The following LSAMP variants were observed in gnomAD, a reference collection of about 807,000 sequenced individuals.
LSAMP encodes the protein limbic system associated membrane protein.
Under a neutral mutation model 38.6 loss-of-function variants are expected in LSAMP, and 7 were observed. The ratio of observed to expected loss-of-function variants is 0.18; its 90% CI spans 0.10 to 0.34. The LOEUF (loss-of-function observed/expected upper bound fraction) is 0.34. Ranked by LOEUF, LSAMP falls within the 10% of genes least tolerant of loss-of-function variation. The probability of loss-of-function intolerance (pLI) is 1.00; values close to 1 mark genes in which losing one functional copy is unlikely to be tolerated. For missense variants in LSAMP, 313 were observed against 420.0 expected, an observed-to-expected ratio of 0.75 and a Z score of 2.23; for synonymous variants, 154 against 166.8, an observed-to-expected ratio of 0.92 and a Z score of 0.59.
chr3:115,842,609 T>C (rs766897397), intron 4 of LSAMP, 31 bp from the exon 5 acceptor site: 3 of 1,611,162 alleles, frequency 1.9e-6, no homozygotes, highest in South Asian at 1.1e-5. Flanking sequence ...CAAGTTTACA[T>C]GAGGGTCGGG....
chr3:116,069,378 G>A (rs1262920154), intron 2 of LSAMP, among the ~76,000 whole-genome samples: 1 of 152,166 alleles, frequency 6.6e-6, no homozygotes, highest in Non-Finnish European at 1.5e-5. Flanking sequence ...TTGGAACAAC[G>A]TTTGGACTCA....
intron 3 of LSAMP, among the ~76,000 whole-genome samples, chr3:115,950,311 A>T (rs1938240089): frequency 6.6e-6 from 1 of 152,140 alleles, no homozygotes; most frequent in Admixed American, 6.5e-5. Context: ...TTCACTGATG[A>T]TATAATCATA....
At chr3:116,233,412 C>CAAA (rs3028677) in intron 1 of LSAMP, among the ~76,000 whole-genome samples, 6,444 of 68,990 alleles carry the variant, frequency 0.093, 1,036 homozygotes, top group African/African-American at 0.23. Flanking sequence ...GACTCTGTCT[C>CAAA]AAAAAAAAAA....
intron 3 of LSAMP, among the ~76,000 whole-genome samples, chr3:115,898,715 T>A (rs1346872718): frequency 6.6e-6 from 1 of 152,046 alleles, no homozygotes; most frequent in African/African-American, 2.4e-5. Flanking sequence ...TCCCTGGCTA[T>A]GACTGAATCA....
intron 1 of LSAMP, among the ~76,000 whole-genome samples, chr3:116,279,963 C>A (rs1223451288): frequency 2.0e-5 from 3 of 152,006 alleles, no homozygotes; most frequent in Admixed American, 2.0e-4. Context: ...AAGAAACAAT[C>A]ATTAAAAAAT....
intron 1 of LSAMP, among the ~76,000 whole-genome samples, chr3:116,242,894 C>G (rs990322836): frequency 3.9e-5 from 6 of 152,074 alleles, no homozygotes; most frequent in African/African-American, 1.4e-4. Flanking sequence ...TATTAAGATT[C>G]TTTATCCTGA....
At chr3:116,203,665 C>G (rs2046023336) in intron 1 of LSAMP, among the ~76,000 whole-genome samples, 1 of 149,866 alleles carries the variant, frequency 6.7e-6, no homozygotes, top group African/African-American at 2.5e-5. Flanking sequence ...TTTTTTTGTT[C>G]TTGCGATAGT....
At chr3:116,327,944 GT>G (rs1292603270) in intron 1 of LSAMP, among the ~76,000 whole-genome samples, 1 of 152,084 alleles carries the variant, frequency 6.6e-6, no homozygotes, top group African/African-American at 2.4e-5. Context: ...GGATGATTGT[GT>G]GATCAAGTTC....
At chr3:116,230,268 C>G (rs959585163) in intron 1 of LSAMP, among the ~76,000 whole-genome samples, 1 of 151,588 alleles carries the variant, frequency 6.6e-6, no homozygotes, top group Non-Finnish European at 1.5e-5. Context: ...CAGAAATTTT[C>G]TGATCTCAGA....
intron 1 of LSAMP, among the ~76,000 whole-genome samples, chr3:116,157,862 A>G (rs949419499): frequency 6.6e-6 from 1 of 152,134 alleles, no homozygotes; most frequent in African/African-American, 2.4e-5. Flanking sequence ...GAATGAGACC[A>G]GAATTATCCT....
At chr3:116,136,943 G>C (rs1476511760) in intron 1 of LSAMP, among the ~76,000 whole-genome samples, 1 of 152,010 alleles carries the variant, frequency 6.6e-6, no homozygotes, top group Non-Finnish European at 1.5e-5. Context: ...CTTAAAACAA[G>C]AGAAATTTGT....
rs1933587774 is a variant in LSAMP at position 115,804,563 on chromosome 3, C to A, written c.*5754G>T. The A allele has an allele frequency of 6.6e-6, 1 of 152,052 alleles. No individual in the cohort carries two copies. Among genetic ancestry groups the A allele is most frequent in the African/African-American group, 2.4e-5 (1 of 41,398 alleles). The allele number at this position is 152,052 out of a possible 1,614,324, so 9.4% of individuals were successfully genotyped here. A position where few individuals can be genotyped will look rare whatever the true frequency, so the allele number is the denominator to read the frequency against. On this transcript the variant is annotated 3_prime_UTR_variant, in exon 7 of 7. Transcript: ENST00000490035. ...GGGTTGATACAACAGGCACATGAGCCCTTAAAACTCCTTCCTGTTTTTTTT... is the reference window on the plus strand; with the variant it reads ...GGGTTGATACAACAGGCACATGAGCACTTAAAACTCCTTCCTGTTTTTTTT...
chr3:116,188,373 A>G (rs1710674347), intron 1 of LSAMP, among the ~76,000 whole-genome samples: 1 of 152,134 alleles, frequency 6.6e-6, no homozygotes, highest in East Asian at 1.9e-4. Flanking sequence ...CCTACAACAT[A>G]TTTATGAATG....
intron 1 of LSAMP, among the ~76,000 whole-genome samples, chr3:116,429,849 A>C (rs1396119961): frequency 6.6e-6 from 1 of 152,212 alleles, no homozygotes; most frequent in Non-Finnish European, 1.5e-5. Context: ...AACCATATTG[A>C]CCAAGAGGTT....
intron 6 of LSAMP, among the ~76,000 whole-genome samples, chr3:115,819,468 T>C (rs1452719769): frequency 1.3e-5 from 2 of 151,704 alleles, no homozygotes; most frequent in African/African-American, 4.8e-5. Flanking sequence ...GATTAGGGCA[T>C]ATTTTGATCA....
intron 6 of LSAMP, among the ~76,000 whole-genome samples, chr3:115,823,291 C>T (rs576513396): frequency 6.6e-6 from 1 of 152,352 alleles, no homozygotes; most frequent in South Asian, 2.1e-4. Flanking sequence ...TGGGTGTGCA[C>T]ATCACTGTGG....
rs1375528619 is a variant in LSAMP at position 115,809,967 on chromosome 3, G to GT, written c.*349_*350insA. 4 of 182,652 alleles carry GT rather than the reference G, an allele frequency of 2.2e-5. No individual in the cohort carries two copies. Among genetic ancestry groups the GT allele is most frequent in the Non-Finnish European group, 4.5e-5 (4 of 89,292 alleles). 11.3% of individuals were successfully genotyped at this position (182,652 alleles called of 1,614,324 possible). ...AGGAAGGATAAAGTGTGTGTTGGGG[G>GT]GCTTAATATCCATCTGGTTCTTCTC... On this transcript the variant is annotated 3_prime_UTR_variant, in exon 7 of 7. Transcript: ENST00000490035.
At chr3:115,887,943 C>G (rs964937335) in intron 3 of LSAMP, among the ~76,000 whole-genome samples, 7 of 151,828 alleles carry the variant, frequency 4.6e-5, no homozygotes, top group Admixed American at 6.6e-5. Flanking sequence ...AATATAAAAT[C>G]AAACTATTGA....
chr3:116,257,605 A>G (rs995840159), intron 1 of LSAMP, among the ~76,000 whole-genome samples: 1 of 152,166 alleles, frequency 6.6e-6, no homozygotes, highest in African/African-American at 2.4e-5. Context: ...CTAATGATAA[A>G]ATAAACAACA....
Sources: allele counts gnomAD v4.1 joint callset (sites outside exome capture counted in the v4.1 genomes callset), GRCh38; gene constraint gnomAD v4.1.1; transcripts MANE v1.5; gene names NCBI Gene and HGNC (gene_info 2026-07-23, HGNC 2026-07-21).